The following PICALM variants were observed in gnomAD, a reference collection of about 807,000 sequenced individuals.
The protein encoded by PICALM is phosphatidylinositol binding clathrin assembly protein, also known as phosphatidylinositol-binding clathrin assembly protein.
Under a neutral mutation model 80.5 loss-of-function variants are expected in PICALM, and 40 were observed. The observed-to-expected ratio is 0.50, with a 90% CI of 0.39 to 0.65. The LOEUF (loss-of-function observed/expected upper bound fraction) is 0.65, where lower values mean the gene tolerates loss of function less well. PICALM is among the 30% of genes least tolerant of loss of function. PICALM has a pLI of 0.00. For missense variants in PICALM, 676 were observed against 778.9 expected (o/e 0.87, Z 1.57); for synonymous variants, 288 against 260.3 (o/e 1.11, Z -1.02).
chr11:86,036,691 T>C (rs749231404), intron 1 of PICALM, among the ~76,000 whole-genome samples: 3 of 152,130 alleles, frequency 2.0e-5, no homozygotes, highest in Non-Finnish European at 2.9e-5. Flanking sequence ...TGAAATACTA[T>C]GAGGCCAACG....
intron 2 of PICALM, among the ~76,000 whole-genome samples, chr11:86,028,973 G>A (rs181939809): frequency 1.2e-3 from 182 of 152,002 alleles, no homozygotes; most frequent in African/African-American, 4.3e-3. Flanking sequence ...GAGTAGCTGG[G>A]ATTACATATG....
At chr11:86,046,306 T>C (rs923715473) in intron 1 of PICALM, among the ~76,000 whole-genome samples, 25 of 152,318 alleles carry the variant, frequency 1.6e-4, no homozygotes, top group Non-Finnish European at 2.8e-4. Flanking sequence ...AAATCTAGAA[T>C]CAAATTCGAG....
At chr11:86,014,828 A>C in intron 5 of PICALM, 42 bp downstream of exon 5, 2 of 1,131,612 alleles carry the variant, frequency 1.8e-6, no homozygotes, top group Non-Finnish European at 2.5e-6. Flanking sequence ...AATTATAATG[A>C]CCTAATTTTT....
At chr11:86,032,753 G>GA (rs987742301) in intron 1 of PICALM, among the ~76,000 whole-genome samples, 3 of 152,078 alleles carry the variant, frequency 2.0e-5, no homozygotes, top group East Asian at 3.9e-4. Flanking sequence ...ACAATAAAGG[G>GA]AAAAAAGTTA....
chr11:86,049,284 AAAAC>A (rs2096134783), intron 1 of PICALM, among the ~76,000 whole-genome samples: 1 of 151,996 alleles, frequency 6.6e-6, no homozygotes, highest in South Asian at 2.1e-4. Context: ...CTGTCTCAAA[AAAAC>A]AAACAAAAAA....
chr11:86,036,206 T>C (rs1456028769), intron 1 of PICALM, among the ~76,000 whole-genome samples: 2 of 152,214 alleles, frequency 1.3e-5, no homozygotes, highest in Non-Finnish European at 2.9e-5. Context: ...AAGTTGAAAT[T>C]AGACATAGGC....
In PICALM at chr11:86,035,945, C is replaced by T. The variant is rs758340971; in HGVS notation, c.131-4334G>A. Among the ~76,000 whole-genome samples, 238 of 98,806 alleles carry T rather than the reference C, an allele frequency of 2.4e-3. 2 individuals are homozygous for T. The highest frequency in any genetic ancestry group is 3.0e-3 in the Non-Finnish European group (140 of 47,300). 64.8% of individuals were successfully genotyped at this position (98,806 alleles called of 152,430 possible). A position where few individuals can be genotyped will look rare whatever the true frequency, so the allele number is the denominator to read the frequency against. On this transcript the variant is annotated intron_variant, in intron 1 of 19. Coordinates refer to ENST00000393346, the MANE Select transcript of PICALM (RefSeq NM_007166.4). ...CCTGGCCTACAGAGCGAGACTCTGC[C>T]TCAAAAAAAAAAAAAAAAAAGAAAA...
chr11:86,065,159 T>C (rs2096427265), intron 1 of PICALM, among the ~76,000 whole-genome samples: 1 of 151,758 alleles, frequency 6.6e-6, no homozygotes. Flanking sequence ...AAATTAAAAA[T>C]TGTGGGCCAG....
chr11:86,000,543 TA>T, intron 11 of PICALM, 99 bp downstream of exon 11: 1 of 879,658 alleles, frequency 1.1e-6, no homozygotes, highest in Non-Finnish European at 1.7e-6. Flanking sequence ...GAATAGATTA[TA>T]AAAGCATAAA....
rs527972302 is a variant in PICALM, at chr11:86,019,712, A to G, written c.452+2655T>C. On this transcript the variant is annotated intron_variant, in intron 4 of 19. Transcript: ENST00000393346. ...ATTTACTTTAGGTATATTCCAAAAT[A>G]ATCACCTCCTGATGGATTTGGAATG... Among the ~76,000 whole-genome samples, 22 of 152,340 alleles carry G rather than the reference A, an allele frequency of 1.4e-4. No homozygotes were observed. In the South Asian group the frequency reaches 4.3e-3, roughly 30 times the overall value.
At chr11:86,035,947 C>CAAAAAAAAAA (rs543040504) in intron 1 of PICALM, among the ~76,000 whole-genome samples, 65 of 65,458 alleles carry the variant, frequency 9.9e-4, no homozygotes, top group Admixed American at 1.4e-3. Flanking sequence ...GACTCTGCCT[C>CAAAAAAAAAA]AAAAAAAAAA....
At chr11:85,983,715 AAGTTCTCATCT>A in intron 14 of PICALM, 140 bp downstream of exon 14, 1 of 452,204 alleles carries the variant, frequency 2.2e-6, no homozygotes, top group Non-Finnish European at 4.0e-6. Flanking sequence ...CAGCTCCTTG[AAGTTCTCATCT>A]AGTGCTTGGG....
At chr11:85,982,528 C>T (rs1266965646) in intron 14 of PICALM, among the ~76,000 whole-genome samples, 7 of 141,664 alleles carry the variant, frequency 4.9e-5, no homozygotes, top group South Asian at 4.5e-4. Flanking sequence ...CCTGGGTTCA[C>T]GCCATTCTCC....
At chr11:86,035,873 G>A (rs1180261135) in intron 1 of PICALM, among the ~76,000 whole-genome samples, 2 of 151,018 alleles carry the variant, frequency 1.3e-5, no homozygotes, top group East Asian at 3.9e-4. Context: ...GCTTGAGTCT[G>A]GGAGGCGGAG....
chr11:86,066,555 A>T, intron 1 of PICALM, among the ~76,000 whole-genome samples: 1 of 152,186 alleles, frequency 6.6e-6, no homozygotes, highest in East Asian at 1.9e-4. Context: ...AACAACATGC[A>T]AATAGCACTC....
chr11:85,961,341 T>C (rs920624954), intron 19 of PICALM, among the ~76,000 whole-genome samples: 2 of 152,196 alleles, frequency 1.3e-5, no homozygotes, highest in Non-Finnish European at 2.9e-5. Context: ...CTGACACACG[T>C]ACTGTGGGAG....
chr11:86,026,797 A>T (rs2095655685), intron 2 of PICALM, among the ~76,000 whole-genome samples: 1 of 152,224 alleles, frequency 6.6e-6, no homozygotes, highest in Non-Finnish European at 1.5e-5. Context: ...TCCAGATTAA[A>T]CAAATTCACA....
intron 19 of PICALM, among the ~76,000 whole-genome samples, chr11:85,968,804 T>G (rs146165272): frequency 6.6e-6 from 1 of 152,226 alleles, no homozygotes; most frequent in East Asian, 1.9e-4. Flanking sequence ...GAATTTATCA[T>G]GAAGTTAAAC....
intron 14 of PICALM, among the ~76,000 whole-genome samples, chr11:85,982,509 G>A (rs1241600955): frequency 7.3e-6 from 1 of 136,128 alleles, no homozygotes; most frequent in African/African-American, 2.8e-5. Context: ...CTCACTGCAA[G>A]CTCCACTTCC....
Sources: allele counts gnomAD v4.1 joint callset (sites outside exome capture counted in the v4.1 genomes callset), GRCh38; gene constraint gnomAD v4.1.1; transcripts MANE v1.5; gene names NCBI Gene and HGNC (gene_info 2026-07-23, HGNC 2026-07-21).